DAB1: variants seen among roughly 807,000 people sequenced by gnomAD.
DAB1 encodes the protein DAB adaptor protein 1.
Under a neutral mutation model 64.6 loss-of-function variants are expected in DAB1, and 15 were observed. The ratio of observed to expected loss-of-function variants is 0.23; its 90% CI spans 0.16 to 0.36. DAB1 has a LOEUF of 0.36. DAB1 is among the 10% of genes least tolerant of loss of function. The pLI is 1.00. For synonymous variants in DAB1, 235 were observed against 251.9 expected (o/e 0.93, Z 0.64); for missense variants, 596 against 706.7 (o/e 0.84, Z 1.78).
At chr1:58,191,458 T>C (rs925131250) in intron 4 of DAB1, among the ~76,000 whole-genome samples, 1 of 152,166 alleles carries the variant, frequency 6.6e-6, no homozygotes, top group Non-Finnish European at 1.5e-5. Flanking sequence ...GACCACTGAA[T>C]TCCAGCACAC....
In DAB1 at chr1:57,424,010, C is replaced by T. The variant is rs1308885662; in HGVS notation, c.-217G>A. 2 of 152,126 alleles carry T rather than the reference C, an allele frequency of 1.3e-5. No homozygotes were observed. The highest frequency in any genetic ancestry group is 2.4e-5 in the African/African-American group (1 of 41,396). 9.4% of individuals were successfully genotyped at this position (152,126 alleles called of 1,614,324 possible). The stretch of plus-strand genomic sequence containing the variant: ...CCCATGCCCGGCGGGCGGCGGCACT[C>T]AGGCGCGCTCTGCAGCCCGGGGAAG... On this transcript the variant is annotated 5_prime_UTR_variant, in exon 1 of 15. Coordinates refer to ENST00000371236, the MANE Select transcript of DAB1 (RefSeq NM_001365792.1).
intron 2 of DAB1, among the ~76,000 whole-genome samples, chr1:57,260,462 G>A (rs186780105): frequency 1.3e-4 from 20 of 152,180 alleles, no homozygotes; most frequent in Non-Finnish European, 2.1e-4. Flanking sequence ...CTACACATCC[G>A]GATTCCACAT....
chr1:58,168,741 A>G (rs1656000247), intron 4 of DAB1, among the ~76,000 whole-genome samples: 2 of 152,168 alleles, frequency 1.3e-5, no homozygotes, highest in African/African-American at 4.8e-5. Flanking sequence ...AAGTGAGGAC[A>G]AAAGGTGTCA....
intron 5 of DAB1, among the ~76,000 whole-genome samples, chr1:57,984,817 A>G (rs1646172518): frequency 6.6e-6 from 1 of 152,194 alleles, no homozygotes; most frequent in Admixed American, 6.5e-5. Context: ...CTTGGAGAGC[A>G]TAGAGTTCAA....
At chr1:57,780,989 A>C (rs948266814) in intron 6 of DAB1, among the ~76,000 whole-genome samples, 2 of 150,256 alleles carry the variant, frequency 1.3e-5, no homozygotes, top group Non-Finnish European at 3.0e-5. Context: ...TGGCCTCCCA[A>C]AGTGCTGGGA....
intron 7 of DAB1, among the ~76,000 whole-genome samples, chr1:57,548,142 G>C (rs902432398): frequency 1.3e-5 from 2 of 152,030 alleles, no homozygotes; most frequent in East Asian, 3.8e-4. Flanking sequence ...TGAGCTTATA[G>C]GATATTTATT....
chr1:58,383,754 G>A (rs1275215656), intron 3 of DAB1, among the ~76,000 whole-genome samples: 1 of 152,038 alleles, frequency 6.6e-6, no homozygotes, highest in Non-Finnish European at 1.5e-5. Flanking sequence ...CTACCTCTAG[G>A]TTAAAATTAA....
At chr1:57,246,297 C>T (rs1225693079) in intron 2 of DAB1, among the ~76,000 whole-genome samples, 1 of 152,210 alleles carries the variant, frequency 6.6e-6, no homozygotes, top group Non-Finnish European at 1.5e-5. Flanking sequence ...TGGGACATGG[C>T]ACCCTATGTC....
chr1:57,636,244 G>A (rs572113709), intron 7 of DAB1, among the ~76,000 whole-genome samples: 3 of 152,228 alleles, frequency 2.0e-5, no homozygotes, highest in African/African-American at 7.2e-5. Context: ...CTACAATTCA[G>A]GAAGAGAGGT....
chr1:57,369,888 A>G (rs1680360995), intron 1 of DAB1, among the ~76,000 whole-genome samples: 1 of 152,226 alleles, frequency 6.6e-6, no homozygotes, highest in African/African-American at 2.4e-5. Context: ...GTATTGAGTG[A>G]CTGAACCAAG....
intron 2 of DAB1, among the ~76,000 whole-genome samples, chr1:57,212,619 G>A (rs943306621): frequency 2.6e-5 from 4 of 151,690 alleles, no homozygotes; most frequent in East Asian, 1.9e-4. Flanking sequence ...CACCCGCCTC[G>A]GCCTCTCAAA....
At chr1:58,076,753 C>A (rs933765206) in intron 5 of DAB1, among the ~76,000 whole-genome samples, 2 of 152,222 alleles carry the variant, frequency 1.3e-5, no homozygotes, top group African/African-American at 4.8e-5. Context: ...TTCCCCTCCT[C>A]CTCGCTGCCC....
intron 6 of DAB1, among the ~76,000 whole-genome samples, chr1:57,664,309 C>T (rs1057181765): frequency 6.6e-6 from 1 of 152,094 alleles, no homozygotes; most frequent in African/African-American, 2.4e-5. Flanking sequence ...TCCTCTAGTA[C>T]ATTTAGGAAT....
intron 3 of DAB1, among the ~76,000 whole-genome samples, chr1:58,470,468 C>G (rs1187327372): frequency 6.6e-6 from 1 of 151,450 alleles, no homozygotes; most frequent in Non-Finnish European, 1.5e-5. Context: ...GCCACCGCAC[C>G]TAGCCAGAGC....
intron 5 of DAB1, among the ~76,000 whole-genome samples, chr1:57,908,139 T>G (rs957525855): frequency 1.3e-5 from 2 of 152,050 alleles, no homozygotes; most frequent in Non-Finnish European, 2.9e-5. Context: ...ATTTTCTCCT[T>G]CTTTTAACAG....
chr1:57,082,937 C>G (rs1285844127), intron 4 of DAB1, among the ~76,000 whole-genome samples: 1 of 152,130 alleles, frequency 6.6e-6, no homozygotes, highest in Non-Finnish European at 1.5e-5. Context: ...AGTATGGAAA[C>G]AATTTGTACT....
At chr1:58,160,933 G>T (rs1570431579) in intron 4 of DAB1, among the ~76,000 whole-genome samples, 1 of 152,286 alleles carries the variant, frequency 6.6e-6, no homozygotes, top group East Asian at 1.9e-4. Flanking sequence ...AGTCTAGTAG[G>T]TGGGCTAGTC....
intron 7 of DAB1, among the ~76,000 whole-genome samples, chr1:57,536,243 T>C (rs1008291250): frequency 6.6e-6 from 1 of 152,194 alleles, no homozygotes; most frequent in Non-Finnish European, 1.5e-5. Flanking sequence ...GTCTCTGAAC[T>C]TGATGTCAAG....
chr1:57,768,197 A>AAAT (rs1649403812), intron 6 of DAB1, among the ~76,000 whole-genome samples: 1 of 149,290 alleles, frequency 6.7e-6, no homozygotes, highest in South Asian at 2.1e-4. Flanking sequence ...AAAAAAAAAA[A>AAAT]GTTGAGGTGC....
Sources: gnomAD v4.1 joint callset for allele counts (sites outside exome capture counted in the v4.1 genomes callset) on GRCh38, gnomAD v4.1.1 for gene constraint, MANE v1.5 for transcripts, NCBI Gene and HGNC (gene_info 2026-07-23, HGNC 2026-07-21) for gene names.